The following GALK2 variants were observed in gnomAD, a reference collection of about 807,000 sequenced individuals.
GALK2 encodes the protein galactokinase 2, also known as N-acetylgalactosamine kinase.
In GALK2, 36 loss-of-function variants were observed where a neutral mutation model predicts 52.4. The ratio of observed to expected loss-of-function variants is 0.69; its 90% CI spans 0.53 to 0.91. The LOEUF (loss-of-function observed/expected upper bound fraction) is 0.91. Ranked by LOEUF, GALK2 falls within the 40% of genes least tolerant of loss-of-function variation. The probability of loss-of-function intolerance (pLI) is 0.00; values close to 1 mark genes in which losing one functional copy is unlikely to be tolerated. For missense variants in GALK2, 579 were observed against 559.1 expected (o/e 1.04, Z -0.36); for synonymous variants, 176 against 199.1 (o/e 0.88, Z 0.98).
chr15:49,168,978 A>G (rs1390375849), upstream of GALK2: 1 of 153,838 alleles, frequency 6.5e-6, no homozygotes, highest in Non-Finnish European at 1.5e-5. Flanking sequence ...CTGAGACCAG[A>G]GTAACTTTGT....
chr15:49,277,147 T>A (rs954785924), intron 5 of GALK2, among the ~76,000 whole-genome samples: 726 of 4,792 alleles, frequency 0.15, 5 homozygotes, highest in African/African-American at 0.34. Flanking sequence ...ATTTTTTTTT[T>A]TTTTTTTTTT....
intron 1 of GALK2, among the ~76,000 whole-genome samples, chr15:49,181,801 A>G (rs566749881): frequency 2.0e-5 from 3 of 152,214 alleles, no homozygotes; most frequent in South Asian, 4.1e-4. Context: ...TTAACATTTT[A>G]CCACATTTGC....
At chr15:49,341,915 T>C (rs2040788267) in intron 3 of GALK2, among the ~76,000 whole-genome samples, 1 of 152,138 alleles carries the variant, frequency 6.6e-6, no homozygotes, top group Non-Finnish European at 1.5e-5. Flanking sequence ...AAGAGTTTGG[T>C]TTTTTTGAAT....
At position 49,299,145 on chromosome 15, in the gene GALK2, A is replaced by C. The variant is rs569977008; in HGVS notation, c.967+6608A>C. Reference sequence around the variant, plus strand: ...CTGGTTCAGTTCCTGGAGTTTATTCATTTCTTTTAGGTTTTCTAGTTTGAG... The same window carrying C: ...CTGGTTCAGTTCCTGGAGTTTATTCCTTTCTTTTAGGTTTTCTAGTTTGAG... On this transcript the variant is annotated intron_variant, in intron 8 of 9. Transcript: ENST00000560031. Among the ~76,000 whole-genome samples, 3 of 151,698 alleles carry C rather than the reference A, an allele frequency of 2.0e-5. No homozygotes were observed. The East Asian group carries it at 5.8e-4, about 29-fold the overall frequency.
chr15:49,346,984 A>T (rs924273379), intron 3 of GALK2, among the ~76,000 whole-genome samples: 1 of 152,224 alleles, frequency 6.6e-6, no homozygotes, highest in African/African-American at 2.4e-5. Flanking sequence ...ACATTTTTTA[A>T]AAGGTTATAA....
intron 3 of GALK2, among the ~76,000 whole-genome samples, chr15:49,337,535 T>TTA (rs1491063072): frequency 3.6e-5 from 5 of 139,530 alleles, no homozygotes; most frequent in African/African-American, 1.4e-4. Flanking sequence ...TTTTTTTTTT[T>TTA]AGTATTATAC....
chr15:49,256,616 T>C (rs1363039429), intron 5 of GALK2, among the ~76,000 whole-genome samples: 4 of 152,194 alleles, frequency 2.6e-5, no homozygotes, highest in African/African-American at 9.7e-5. Context: ...GCTTACTCAG[T>C]ACCATCCGTG....
Position 49,328,913 on chromosome 15 carries a change from T to C in GALK2, c.*754T>C. ...TATCTCCATTACTTAATAGAAAAAC[T>C]TAGATAAAAAACACTTTAAGACTCT... On this transcript the variant is annotated 3_prime_UTR_variant, in exon 10 of 10. Coordinates refer to ENST00000560031, the MANE Select transcript of GALK2 (RefSeq NM_002044.4). 1 of 1,226,424 alleles carries C rather than the reference T, an allele frequency of 8.2e-7. No individual in the cohort carries two copies. Among genetic ancestry groups the C allele is most frequent in the Non-Finnish European group, 1.0e-6 (1 of 976,400 alleles). The allele number at this position is 1,226,424 out of a possible 1,614,324, so 76.0% of individuals were successfully genotyped here.
chr15:49,170,378 G>A lies in GALK2; in HGVS notation c.53+3G>A. 6.3e-7 allele frequency: 1 copy of A among 1,588,232 alleles called. No individual in the cohort carries two copies. Among genetic ancestry groups the A allele is most frequent in the Non-Finnish European group, 8.6e-7 (1 of 1,167,586 alleles). Reference sequence around the variant, plus strand: ...GTCCAGGTGGCAGAACATCCTAGGTGGGGGAGAGGAGACGCCGGGCTTTGG... The same window carrying A: ...GTCCAGGTGGCAGAACATCCTAGGTAGGGGAGAGGAGACGCCGGGCTTTGG... On this transcript the variant is annotated splice_donor_region_variant and intron_variant, in intron 1 of 9. Transcript: ENST00000560031.
chr15:49,345,079 T>G (rs1338005817), intron 3 of GALK2, among the ~76,000 whole-genome samples: 2 of 152,234 alleles, frequency 1.3e-5, no homozygotes, highest in Non-Finnish European at 2.9e-5. Context: ...GATTTTATTC[T>G]TCTACAAAGT....
intron 3 of GALK2, among the ~76,000 whole-genome samples, chr15:49,353,080 G>A (rs2042490376): frequency 6.6e-6 from 1 of 152,192 alleles, no homozygotes. Flanking sequence ...GTGAGTTGAT[G>A]AAATGAGAAC....
chr15:49,217,331 T>C lies in GALK2; in HGVS notation c.266+18T>C, dbSNP rs2141382509. On this transcript the variant is annotated intron_variant, in intron 3 of 9. Coordinates refer to ENST00000560031, the MANE Select transcript of GALK2 (RefSeq NM_002044.4). ...TTGTATCCGTGAGTATTTAAAATTG[T>C]TAGTGTGTGTGTATGTATGGTTCTG... The C allele has an allele frequency of 6.2e-7, 1 of 1,613,214 alleles. No homozygotes were observed. The highest frequency in any genetic ancestry group is 1.7e-5 in the Admixed American group (1 of 59,928).
chr15:49,200,496 T>C (rs1271439961), intron 1 of GALK2, among the ~76,000 whole-genome samples: 1 of 152,194 alleles, frequency 6.6e-6, no homozygotes, highest in Admixed American at 6.5e-5. Context: ...TTTAATCCAA[T>C]ATGACTGGTG....
At chr15:49,365,831 T>C (rs1485070971) in intron 3 of GALK2, 4 of 880,542 alleles carry the variant, frequency 4.5e-6, no homozygotes, top group African/African-American at 3.3e-5. Flanking sequence ...CTCACTTCCA[T>C]GCTTTTGCCG....
At chr15:49,215,560 A>C (rs71467668) in intron 2 of GALK2, among the ~76,000 whole-genome samples, 10,133 of 152,316 alleles carry the variant, frequency 0.067, 462 homozygotes, top group East Asian at 0.18. Flanking sequence ...TTTCAGCTGC[A>C]GAATTTCTGT....
intron 3 of GALK2, among the ~76,000 whole-genome samples, chr15:49,343,379 T>C (rs543508671): frequency 1.6e-4 from 24 of 152,264 alleles, no homozygotes; most frequent in South Asian, 1.0e-3. Context: ...GAAGCTCTGA[T>C]TGATTTCCTA....
chr15:49,168,298 T>C (rs979119457), upstream of GALK2, among the ~76,000 whole-genome samples: 1 of 152,244 alleles, frequency 6.6e-6, no homozygotes, highest in Non-Finnish European at 1.5e-5. Flanking sequence ...TCGAAACAGT[T>C]TCTACAGTCA....
chr15:49,325,029 C>T (rs1399251586), intron 9 of GALK2, among the ~76,000 whole-genome samples: 3 of 152,178 alleles, frequency 2.0e-5, no homozygotes, highest in African/African-American at 7.2e-5. Context: ...GCAGTTGGGT[C>T]TCCTGGATCT....
At chr15:49,210,454 T>C (rs1354749140) in intron 2 of GALK2, among the ~76,000 whole-genome samples, 1 of 151,872 alleles carries the variant, frequency 6.6e-6, no homozygotes, top group Non-Finnish European at 1.5e-5. Flanking sequence ...TTATTATTTT[T>C]TTGAGATGGA....
Sources: allele counts gnomAD v4.1 joint callset (sites outside exome capture counted in the v4.1 genomes callset), GRCh38; gene constraint gnomAD v4.1.1; transcripts MANE v1.5; gene names NCBI Gene and HGNC (gene_info 2026-07-23, HGNC 2026-07-21).